HDAC9: variants seen among roughly 807,000 people sequenced by gnomAD.
HDAC9 encodes histone deacetylase 9, also known as MEF-2 interacting transcription repressor (MITR) protein.
A neutral mutation model predicts 139.4 loss-of-function variants in HDAC9; 41 were observed. That is an observed-to-expected ratio of 0.29 (90% CI 0.23 to 0.38). The LOEUF is 0.38. Ranked by LOEUF, HDAC9 falls within the 10% of genes least tolerant of loss-of-function variation. The pLI is 1.00. For synonymous variants in HDAC9, 517 were observed against 476.2 expected, an observed-to-expected ratio of 1.09 and a Z score of -1.12; for missense variants, 1,147 against 1,297.0, an observed-to-expected ratio of 0.88 and a Z score of 1.78.
At chr7:18,629,310 T>A (rs1385003130) in intron 6 of HDAC9, 40 bp from the exon 7 acceptor site, 10 of 1,500,572 alleles carry the variant, frequency 6.7e-6, no homozygotes, top group African/African-American at 2.9e-5. Context: ...TCTATTTTTT[T>A]AATTTTTATC....
intron 2 of HDAC9, among the ~76,000 whole-genome samples, chr7:18,522,326 G>A (rs980168595): frequency 3.9e-5 from 6 of 152,116 alleles, no homozygotes; most frequent in African/African-American, 9.7e-5. Flanking sequence ...GGGGATAGAC[G>A]TTTTAACAAA....
At chr7:18,433,909 G>GA (rs888211410) in intron 1 of HDAC9, among the ~76,000 whole-genome samples, 16 of 151,974 alleles carry the variant, frequency 1.1e-4, no homozygotes, top group East Asian at 3.9e-4. Context: ...CAAAATTGGG[G>GA]AAAAAAAATC....
intron 2 of HDAC9, among the ~76,000 whole-genome samples, chr7:18,560,999 G>A (rs112106175): frequency 2.0e-5 from 3 of 152,186 alleles, no homozygotes; most frequent in African/African-American, 7.2e-5. Context: ...GGATACCACC[G>A]ATATTCTTAC....
intron 22 of HDAC9, among the ~76,000 whole-genome samples, chr7:18,932,959 A>C (rs58061627): frequency 0.17 from 26,384 of 152,128 alleles, 2,560 homozygotes; most frequent in South Asian, 0.31. Flanking sequence ...GTGCAAACAA[A>C]AACAGCAAAC....
chr7:18,644,348 A>T (rs551813390), intron 8 of HDAC9, among the ~76,000 whole-genome samples: 1 of 152,170 alleles, frequency 6.6e-6, no homozygotes, highest in Non-Finnish European at 1.5e-5. Flanking sequence ...AGAAGTAGAC[A>T]TACTAATCAG....
chr7:18,766,777 A>G (rs1789865203), intron 15 of HDAC9, among the ~76,000 whole-genome samples: 1 of 152,212 alleles, frequency 6.6e-6, no homozygotes, highest in African/African-American at 2.4e-5. Flanking sequence ...TAAAAATTGT[A>G]ATGTATAATA....
chr7:18,151,984 G>A (rs1386033771), intron 1 of HDAC9: 1 of 152,178 alleles, frequency 6.6e-6, no homozygotes, highest in African/African-American at 2.4e-5. Flanking sequence ...ACCCATGCAT[G>A]TTTGAATAAA....
At chr7:18,766,967 G>T in intron 15 of HDAC9, 139 bp from the exon 16 acceptor site, 1 of 461,294 alleles carries the variant, frequency 2.2e-6, no homozygotes, top group Non-Finnish European at 3.9e-6. Flanking sequence ...TGAATAATTG[G>T]TCTGAAGTTT....
intron 2 of HDAC9, among the ~76,000 whole-genome samples, chr7:18,541,980 A>C (rs1014253000): frequency 2.6e-5 from 4 of 151,976 alleles, no homozygotes. Flanking sequence ...AACATTTTGG[A>C]CTGGCCAGTT....
At chr7:18,904,523 G>A (rs1193522490) in intron 22 of HDAC9, among the ~76,000 whole-genome samples, 2 of 148,336 alleles carry the variant, frequency 1.3e-5, no homozygotes, top group Non-Finnish European at 3.0e-5. Context: ...TTTCCTACTT[G>A]CTAGATCCTC....
chr7:18,256,087 T>C (rs1465282415), intron 2 of HDAC9, among the ~76,000 whole-genome samples: 1 of 152,176 alleles, frequency 6.6e-6, no homozygotes, highest in East Asian at 1.9e-4. Context: ...TCTCTCAATA[T>C]CTTGAAGAGC....
intron 6 of HDAC9, among the ~76,000 whole-genome samples, chr7:18,595,173 TTAAC>T (rs1371721476): frequency 3.3e-5 from 5 of 152,042 alleles, no homozygotes; most frequent in Admixed American, 1.3e-4. Flanking sequence ...GAAAGGATGT[TTAAC>T]TATTGCAAAA....
intron 2 of HDAC9, among the ~76,000 whole-genome samples, chr7:18,497,921 T>C (rs1797355521): frequency 6.6e-6 from 1 of 152,140 alleles, no homozygotes; most frequent in Non-Finnish European, 1.5e-5. Context: ...TCTCCACATC[T>C]TTGATAATCA....
Position 18,439,494 on chromosome 7 carries a change from T to G in HDAC9, c.-41-56768T>G, listed in dbSNP as rs541476597. Among the ~76,000 whole-genome samples the G allele has an allele frequency of 4.6e-5, 7 of 152,204 alleles. No individual in the cohort carries two copies. In the East Asian group the frequency reaches 7.7e-4, roughly 17 times the overall value. On this transcript the variant is annotated intron_variant, in intron 1 of 3. Transcript: ENST00000413509. ...CCCATCTCACGTCTGCTTCATCAGG[T>G]TCCCAACATCCTGTGCACCGATAAT...
intron 2 of HDAC9, among the ~76,000 whole-genome samples, chr7:18,570,510 C>G (rs1275442404): frequency 1.3e-5 from 2 of 152,146 alleles, no homozygotes; most frequent in Non-Finnish European, 2.9e-5. Context: ...TCAAGGCATA[C>G]TCCAGAATGA....
intron 1 of HDAC9, among the ~76,000 whole-genome samples, chr7:18,440,115 A>G (rs1303702566): frequency 6.6e-6 from 1 of 152,036 alleles, no homozygotes; most frequent in Non-Finnish European, 1.5e-5. Context: ...TATAAGAATA[A>G]CTGGACATTG....
chr7:18,486,881 A>G (rs570293452), intron 1 of HDAC9, among the ~76,000 whole-genome samples: 2 of 152,244 alleles, frequency 1.3e-5, no homozygotes, highest in African/African-American at 4.8e-5. Flanking sequence ...GAAAATAAGT[A>G]TGAATGGAAG....
chr7:18,935,942 G>T lies in HDAC9; in HGVS notation c.2937G>T (p.Glu979Asp). The change falls in exon 23 of 26, where the codon GAG (glutamate) becomes GAT (aspartate). Residue 979 changes from glutamate (E) to aspartate (D), a missense_variant and splice_region_variant. Coordinates refer to ENST00000686413, the MANE Select transcript of HDAC9 (RefSeq NM_178425.4). ...EACVNALLGN[E>D]LEPLAEDILH... ...GTGTAAATGCCCTTCTAGGAAATGAGGTAAAAAAGTAAAAGTACAAAGGGG... is the reference window on the plus strand; with the variant it reads ...GTGTAAATGCCCTTCTAGGAAATGATGTAAAAAAGTAAAAGTACAAAGGGG... The T allele has an allele frequency of 6.2e-7, 1 of 1,609,300 alleles. No homozygotes were observed.
intron 1 of HDAC9, among the ~76,000 whole-genome samples, chr7:18,423,010 A>G (rs1163640089): frequency 6.6e-6 from 1 of 152,196 alleles, no homozygotes; most frequent in Non-Finnish European, 1.5e-5. Flanking sequence ...TTTTCTATCA[A>G]AAGTTATTTT....
Sources: allele counts gnomAD v4.1 joint callset (sites outside exome capture counted in the v4.1 genomes callset), GRCh38; gene constraint gnomAD v4.1.1; transcripts MANE v1.5; gene names NCBI Gene and HGNC (gene_info 2026-07-23, HGNC 2026-07-21).